Variants in ANO5 observed in about 807,000 individuals in gnomAD.
ANO5 encodes the protein anoctamin 5.
In ANO5, 109 loss-of-function variants were observed where a neutral mutation model predicts 121.0. The observed-to-expected ratio is 0.90, with a 90% CI of 0.77 to 1.06. The LOEUF is 1.06. ANO5 is among the 50% of genes least tolerant of loss of function. The pLI is 0.00. For synonymous variants in ANO5, 406 were observed against 359.9 expected, an observed-to-expected ratio of 1.13 and a Z score of -1.45; for missense variants, 1,064 against 1,078.5, an observed-to-expected ratio of 0.99 and a Z score of 0.19.
At chr11:22,264,785 A>G (rs1374772525) in intron 17 of ANO5, among the ~76,000 whole-genome samples, 4 of 152,210 alleles carry the variant, frequency 2.6e-5, no homozygotes, top group Non-Finnish European at 5.9e-5. Flanking sequence ...GCAATTACAC[A>G]TAAGTGAAAA....
At chr11:22,236,809 G>C (rs532111947) in intron 8 of ANO5, among the ~76,000 whole-genome samples, 3 of 152,284 alleles carry the variant, frequency 2.0e-5, no homozygotes, top group African/African-American at 7.2e-5. Flanking sequence ...TAAACTAAAG[G>C]CTTCAGTGCA....
At chr11:22,198,100 G>A (rs927692419) in intron 1 of ANO5, among the ~76,000 whole-genome samples, 13 of 152,210 alleles carry the variant, frequency 8.5e-5, no homozygotes, top group Admixed American at 2.6e-4. Context: ...AGGGGTGAGA[G>A]GGAGCATGGT....
At position 22,274,649 on chromosome 11, in the gene ANO5, T is replaced by C. The variant is rs1399486455; in HGVS notation, c.2316T>C (p.Pro772=). The change falls in exon 20 of 22, where the codon CCT becomes CCC. Residue 772 remains proline (P), a synonymous_variant. Coordinates refer to ENST00000324559, the MANE Select transcript of ANO5 (RefSeq NM_213599.3). ...YYAYSTNATQ[P]MTGYVNNSLS... Reference sequence around the variant, plus strand: ...CTTACTCAACAAATGCCACACAGCCTATGACAGGATATGTGAATAATAGCC... The same window carrying C: ...CTTACTCAACAAATGCCACACAGCCCATGACAGGATATGTGAATAATAGCC... 1 of 1,613,596 alleles carries C rather than the reference T, an allele frequency of 6.2e-7. No individual in the cohort carries two copies. The highest frequency in any genetic ancestry group is 8.5e-7 in the Non-Finnish European group (1 of 1,179,654).
At chr11:22,248,316 T>A (rs955982991) in intron 9 of ANO5, among the ~76,000 whole-genome samples, 2 of 152,050 alleles carry the variant, frequency 1.3e-5, no homozygotes, top group African/African-American at 4.8e-5. Flanking sequence ...GATCATAGAT[T>A]TAAATATATG....
intron 1 of ANO5, among the ~76,000 whole-genome samples, chr11:22,203,250 G>A (rs1050586459): frequency 2.0e-5 from 3 of 152,088 alleles, no homozygotes; most frequent in South Asian, 2.1e-4. Flanking sequence ...AAGAATTTCA[G>A]TTCTGTATTT....
chr11:22,239,537 C>T lies in ANO5; in HGVS notation c.763-32C>T, dbSNP rs766088855. ...ACTTCGTCTTTGTCTTTTGCTTCGT[C>T]TTTTATGTACCCTCCTCTTGAATAT... is the stretch of plus-strand genomic sequence containing the variant. On this transcript the variant is annotated intron_variant, in intron 8 of 21. Coordinates refer to ENST00000324559, the MANE Select transcript of ANO5 (RefSeq NM_213599.3). 15 of 1,509,528 alleles carry T rather than the reference C, an allele frequency of 9.9e-6. No individual in the cohort carries two copies. The African/African-American group carries it at 2.1e-4, about 21-fold the overall frequency. The allele number at this position is 1,509,528 out of a possible 1,614,324, so 93.5% of individuals were successfully genotyped here.
At chr11:22,212,500 T>C (rs1357829116) in intron 3 of ANO5, among the ~76,000 whole-genome samples, 4 of 151,954 alleles carry the variant, frequency 2.6e-5, no homozygotes, top group Non-Finnish European at 5.9e-5. Context: ...AAGGTATATA[T>C]AGTAATTTGT....
chr11:22,273,483 A>G (rs934132680), intron 19 of ANO5, among the ~76,000 whole-genome samples: 1 of 152,174 alleles, frequency 6.6e-6, no homozygotes, highest in South Asian at 2.1e-4. Flanking sequence ...TAGGCATCCT[A>G]TAAGAGAAAA....
At chr11:22,206,536 A>G (rs1237212175) in intron 2 of ANO5, among the ~76,000 whole-genome samples, 1 of 151,900 alleles carries the variant, frequency 6.6e-6, no homozygotes, top group Non-Finnish European at 1.5e-5. Context: ...CTGGTCTCGA[A>G]CTCCTGACCT....
chr11:22,219,450 A>C (rs1852567344), intron 4 of ANO5, among the ~76,000 whole-genome samples: 1 of 152,104 alleles, frequency 6.6e-6, no homozygotes, highest in Non-Finnish European at 1.5e-5. Flanking sequence ...AAACAATACA[A>C]GTACCTGTAA....
intron 5 of ANO5, among the ~76,000 whole-genome samples, chr11:22,225,121 A>G (rs1852780390): frequency 6.6e-6 from 1 of 152,082 alleles, no homozygotes; most frequent in African/African-American, 2.4e-5. Context: ...ACTCAATAAA[A>G]ATGTTTTAAA....
At chr11:22,200,999 C>G (rs1232843899) in intron 1 of ANO5, among the ~76,000 whole-genome samples, 1 of 152,048 alleles carries the variant, frequency 6.6e-6, no homozygotes, top group Non-Finnish European at 1.5e-5. Flanking sequence ...GCTCAAGTCC[C>G]TTATATAAAA....
chr11:22,212,144 A>C (rs1056133530), intron 3 of ANO5, among the ~76,000 whole-genome samples: 1 of 151,906 alleles, frequency 6.6e-6, no homozygotes, highest in Non-Finnish European at 1.5e-5. Context: ...TAAAACATTT[A>C]CGAAAATATT....
chr11:22,195,176 C>T (rs895446644), intron 1 of ANO5, among the ~76,000 whole-genome samples: 4 of 152,076 alleles, frequency 2.6e-5, no homozygotes, highest in African/African-American at 9.7e-5. Context: ...TGATTTGATT[C>T]TACTGACTAA....
Position 22,280,878 on chromosome 11 carries a change from G to A in ANO5, c.*1113G>A, listed in dbSNP as rs1855051131. The A allele has an allele frequency of 6.6e-6, 1 of 151,912 alleles. No homozygotes were observed. The highest frequency in any genetic ancestry group is 2.1e-4 in the South Asian group (1 of 4,828). 9.4% of individuals were successfully genotyped at this position (151,912 alleles called of 1,614,324 possible). ...ATGTGATGTAACATCTTAAATGTAA[G>A]CTTGTCTTAATGAAATTGTCAGTGT... On this transcript the variant is annotated 3_prime_UTR_variant, in exon 22 of 22. Coordinates refer to ENST00000324559, the MANE Select transcript of ANO5 (RefSeq NM_213599.3).
At chr11:22,236,702 G>A (rs963996327) in intron 8 of ANO5, among the ~76,000 whole-genome samples, 3 of 152,090 alleles carry the variant, frequency 2.0e-5, no homozygotes, top group African/African-American at 7.2e-5. Flanking sequence ...TCAATTATAT[G>A]TAAAGCATTC....
chr11:22,194,419 C>T (rs1458129169), intron 1 of ANO5, among the ~76,000 whole-genome samples: 1 of 152,192 alleles, frequency 6.6e-6, no homozygotes, highest in Non-Finnish European at 1.5e-5. Flanking sequence ...GTTACTGCAT[C>T]CTCCTCGTTC....
intron 2 of ANO5, among the ~76,000 whole-genome samples, chr11:22,204,842 C>G (rs759248298): frequency 5.3e-5 from 8 of 152,122 alleles, no homozygotes; most frequent in Non-Finnish European, 1.0e-4. Flanking sequence ...AATCCCATTA[C>G]TGGGTATATG....
chr11:22,226,048 A>G lies in ANO5; in HGVS notation c.359A>G (p.Lys120Arg), dbSNP rs1852820692. ...KTGLELEIED[K>R]RDSEDGRTYF... is the part of the protein sequence containing the mutation. The stretch of plus-strand genomic sequence containing the variant: ...GGTCTTGAGTTGGAAATAGAAGACA[A>G]AAGGGTAAATGTAGTTGATAATTTA... Residue 120 changes from lysine to arginine, a missense_variant, in exon 6 of 22, where the codon AAA becomes AGA. Transcript: ENST00000324559. 1.2e-6 allele frequency: 2 copies of G among 1,602,784 alleles called. No individual in the cohort carries two copies. The highest frequency in any genetic ancestry group is 8.5e-7 in the Non-Finnish European group (1 of 1,170,320).
Sources: allele counts gnomAD v4.1 joint callset (sites outside exome capture counted in the v4.1 genomes callset), GRCh38; gene constraint gnomAD v4.1.1; transcripts MANE v1.5; gene names NCBI Gene and HGNC (gene_info 2026-07-23, HGNC 2026-07-21).